The following CD1D variants were observed in gnomAD, a reference collection of about 807,000 sequenced individuals.
CD1D encodes the protein antigen-presenting glycoprotein CD1d.
A neutral mutation model predicts 42.1 loss-of-function variants in CD1D; 40 were observed. The observed-to-expected ratio is 0.95, with a 90% confidence interval of 0.74 to 1.24. The LOEUF (loss-of-function observed/expected upper bound fraction) is 1.24, where lower values mean the gene tolerates loss of function less well. Among genes scored for constraint, CD1D ranks in the 50% most tolerant of loss-of-function variants. The pLI is 0.00. For synonymous variants in CD1D, 178 were observed against 171.8 expected (o/e 1.04, Z -0.28); for missense variants, 437 against 416.5 (o/e 1.05, Z -0.43).
rs1174975359 is a variant in CD1D at position 158,186,229 on chromosome 1, C to T, written c.*2079C>T. On this transcript the variant is annotated 3_prime_UTR_variant, in exon 6 of 6. Coordinates refer to ENST00000674085, the MANE Select transcript of CD1D (RefSeq NM_001371762.2). ...TACCACATTGCCCACCCTCACGTGG[C>T]GCTCTTCAGCTTAGGTTCCTCTAGC... is the stretch of plus-strand genomic sequence containing the variant. Among the ~76,000 whole-genome samples, 5 of 152,136 alleles carry T rather than the reference C, an allele frequency of 3.3e-5. No homozygotes were observed. The East Asian group carries it at 5.8e-4, about 18-fold the overall frequency.
chr1:158,182,407 G>C (rs961503000), intron 3 of CD1D, 97 bp downstream of exon 3: 1 of 1,380,624 alleles, frequency 7.2e-7, no homozygotes. Context: ...TCAAAGAAGA[G>C]GAAGGCCCAG....
chr1:158,184,021 GT>G lies in CD1D; in HGVS notation c.975del (p.Phe325LeufsTer31). Reference protein sequence around the residue: ...FLLIVGFTSRFKRQTSYQGVL With the variant: ...FLLIVGFTSRXKRQTSYQGVL ...TCCTCATTGTGGGCTTTACCTCCCGGTTTAAGAGGCAAACGTAAGTCTCCCC... is the reference window on the plus strand; with the variant it reads ...TCCTCATTGTGGGCTTTACCTCCCGGTTAAGAGGCAAACGTAAGTCTCCCC... On this transcript the variant is annotated frameshift_variant, in exon 5 of 6. Transcript: ENST00000674085. LOFTEE classifies it low-confidence loss of function (END_TRUNC). 6.2e-7 allele frequency: 1 copy of G among 1,614,146 alleles called. No homozygotes were observed. The highest frequency in any genetic ancestry group is 1.1e-5 in the South Asian group (1 of 91,078).
At chr1:158,179,160 A>G (rs1442856688), upstream of CD1D, among the ~76,000 whole-genome samples, 1 of 152,198 alleles carries the variant, frequency 6.6e-6, no homozygotes, top group Non-Finnish European at 1.5e-5. Flanking sequence ...AGTTAAAAAT[A>G]TTGCCCCATG....
chr1:158,182,869 T>G lies in CD1D; in HGVS notation c.608-9T>G. Reference sequence around the variant, plus strand: ...TTTAAGATCCCCCCCATTCCCTTGTTGGATACAGTGAAGCCCAAGGCCTGG... The same window carrying G: ...TTTAAGATCCCCCCCATTCCCTTGTGGGATACAGTGAAGCCCAAGGCCTGG... On this transcript the variant is annotated splice_polypyrimidine_tract_variant and intron_variant, in intron 3 of 5. Coordinates refer to ENST00000674085, the MANE Select transcript of CD1D (RefSeq NM_001371762.2). 1 of 1,596,798 alleles carries G rather than the reference T, an allele frequency of 6.3e-7. No homozygotes were observed.
Position 158,181,028 on chromosome 1 carries a change from C to T in CD1D, c.-74C>T. Reference sequence around the variant, plus strand: ...CCAGCGGAAAGGGACGTGAGCTGAGCGGCGGGGGAGAAGAGTGCGCAGGTC... The same window carrying T: ...CCAGCGGAAAGGGACGTGAGCTGAGTGGCGGGGGAGAAGAGTGCGCAGGTC... On this transcript the variant is annotated 5_prime_UTR_variant, in exon 1 of 6. Transcript: ENST00000674085. 1.5e-6 allele frequency: 2 copies of T among 1,318,678 alleles called. No homozygotes were observed. The highest frequency in any genetic ancestry group is 2.7e-4 in the Middle Eastern group (1 of 3,658). The allele number at this position is 1,318,678 out of a possible 1,614,324, so 81.7% of individuals were successfully genotyped here.
chr1:158,182,754 T>TG, intron 3 of CD1D, 124 bp from the exon 4 acceptor site: 1 of 1,144,052 alleles, frequency 8.7e-7, no homozygotes. Context: ...GAAGTGAACA[T>TG]GTCAGGGGCA....
Position 158,183,040 on chromosome 1 carries a change from C to G in CD1D, c.770C>G (p.Ala257Gly). 6.2e-7 allele frequency: 1 copy of G among 1,614,160 alleles called. No homozygotes were observed. Residue 257 changes from alanine to glycine, a missense_variant, in exon 4 of 6, where the codon GCT becomes GGT. Physicochemically the swap from Ala to Gly is moderately conservative, Grantham distance 60 (BLOSUM62 0). Coordinates refer to ENST00000674085, the MANE Select transcript of CD1D (RefSeq NM_001371762.2). ...GTQPGDILPN[A>G]DETWYLRATL... The stretch of plus-strand genomic sequence containing the variant: ...CAGCCAGGGGACATCCTGCCCAATG[C>G]TGACGAGACATGGTATCTCCGAGCA...
In CD1D at chr1:158,182,897, G is replaced by T. The variant is rs1374218319; in HGVS notation, c.627G>T (p.Leu209=). The change falls in exon 4 of 6, where the codon CTG becomes CTT. Residue 209 remains leucine (L), a synonymous_variant. Transcript: ENST00000674085. The part of the protein sequence containing the change: ...LKKQVKPKAW[L]SRGPSPGPGR... ...ATACAGTGAAGCCCAAGGCCTGGCT[G>T]TCCCGTGGCCCCAGTCCTGGCCCTG... 1.9e-6 allele frequency: 3 copies of T among 1,610,350 alleles called. No individual in the cohort carries two copies. The highest frequency in any genetic ancestry group is 2.7e-5 in the African/African-American group (2 of 74,906).
In CD1D at chr1:158,184,196, C is replaced by CTCA; in HGVS notation, c.*47_*49dup. ...TCTCTGGAACCCAGGACCTCTGGAC[C>CTCA]TCAGGTTCCTAAGACTTCAGTCCTG... On this transcript the variant is annotated 3_prime_UTR_variant, in exon 6 of 6. Transcript: ENST00000674085. 1.2e-6 allele frequency: 2 copies of CTCA among 1,605,554 alleles called. No homozygotes were observed. The highest frequency in any genetic ancestry group is 1.7e-6 in the Non-Finnish European group (2 of 1,172,586).
In CD1D at chr1:158,181,705, A is replaced by T. The variant is rs1378667244; in HGVS notation, c.312A>T (p.Lys104Asn). 1 of 1,610,266 alleles carries T rather than the reference A, an allele frequency of 6.2e-7. No homozygotes were observed. Among genetic ancestry groups the T allele is most frequent in the Non-Finnish European group, 8.5e-7 (1 of 1,180,000 alleles). The change falls in exon 2 of 6, where the codon AAA becomes AAT. Residue 104 changes from lysine to asparagine, a missense_variant. Physicochemically the swap from Lys to Asn is moderately conservative, Grantham distance 94. Coordinates refer to ENST00000674085, the MANE Select transcript of CD1D (RefSeq NM_001371762.2). ...CCAGGGACGTGAAGGAATTCGCCAA[A>T]ATGCTACGCTTATCCTGTGAGCTGA... ...SFTRDVKEFAKMLRLSYPLEL... is the reference protein window; with the variant it reads ...SFTRDVKEFANMLRLSYPLEL...
At position 158,181,507 on chromosome 1, in the gene CD1D, T is replaced by G. The variant is rs145764530; in HGVS notation, c.114T>G (p.Asn38Lys). 2.2e-5 allele frequency: 35 copies of G among 1,613,948 alleles called. No homozygotes were observed. The highest frequency in any genetic ancestry group is 2.8e-5 in the Non-Finnish European group (33 of 1,179,994). ...LRCLQISSFA[N>K]SSWTRTDGLA... Reference sequence around the variant, plus strand: ...GCCTCCAGATCTCGTCCTTCGCCAATAGCAGCTGGACGCGCACCGACGGCT... The same window carrying G: ...GCCTCCAGATCTCGTCCTTCGCCAAGAGCAGCTGGACGCGCACCGACGGCT... The change falls in exon 2 of 6, where the codon AAT becomes AAG. Residue 38 changes from asparagine to lysine, a missense_variant. Coordinates refer to ENST00000674085, the MANE Select transcript of CD1D (RefSeq NM_001371762.2).
In CD1D at chr1:158,181,510, C is replaced by T; in HGVS notation, c.117C>T (p.Ser39=). The T allele has an allele frequency of 6.2e-7, 1 of 1,614,022 alleles. No homozygotes were observed. Among genetic ancestry groups the T allele is most frequent in the Non-Finnish European group, 8.5e-7 (1 of 1,180,034 alleles). ...RCLQISSFAN[S]SWTRTDGLAW... ...TCCAGATCTCGTCCTTCGCCAATAG[C>T]AGCTGGACGCGCACCGACGGCTTGG... The change falls in exon 2 of 6, where the codon AGC becomes AGT. Residue 39 remains serine (S), a synonymous_variant. Coordinates refer to ENST00000674085, the MANE Select transcript of CD1D (RefSeq NM_001371762.2).
At chr1:158,182,344 T>G (rs753655439) in intron 3 of CD1D, 34 bp downstream of exon 3, 8 of 1,612,634 alleles carry the variant, frequency 5.0e-6, no homozygotes, top group South Asian at 2.2e-5. Context: ...TGCATTCCAC[T>G]TCAGGGCTCC....
chr1:158,184,262 A>G lies in CD1D; in HGVS notation c.*112A>G. 9.3e-7 allele frequency: 1 copy of G among 1,075,930 alleles called. No homozygotes were observed. The highest frequency in any genetic ancestry group is 1.4e-6 in the Non-Finnish European group (1 of 715,618). 66.6% of individuals were successfully genotyped at this position (1,075,930 alleles called of 1,614,324 possible). ...GAAGATGTAAGGAATTGAAGATAGG[A>G]GAGATACCTTGAAAAAGTAGAGAAC... is the stretch of plus-strand genomic sequence containing the variant. On this transcript the variant is annotated 3_prime_UTR_variant, in exon 6 of 6. Coordinates refer to ENST00000674085, the MANE Select transcript of CD1D (RefSeq NM_001371762.2).
In CD1D at chr1:158,184,423, T is replaced by C. The variant is rs1225805395; in HGVS notation, c.*273T>C. On this transcript the variant is annotated 3_prime_UTR_variant, in exon 6 of 6. Coordinates refer to ENST00000674085, the MANE Select transcript of CD1D (RefSeq NM_001371762.2). Reference sequence around the variant, plus strand: ...AGAAGTGCAAAGGTGTGCAAACTTGTATCTGAAGACCTACCAGGGACAAGC... The same window carrying C: ...AGAAGTGCAAAGGTGTGCAAACTTGCATCTGAAGACCTACCAGGGACAAGC... 5.7e-6 allele frequency: 3 copies of C among 525,116 alleles called. No homozygotes were observed. In the African/African-American group the frequency reaches 5.7e-5, roughly 10 times the overall value. 32.5% of individuals were successfully genotyped at this position (525,116 alleles called of 1,614,324 possible).
intron 4 of CD1D, 32 bp downstream of exon 4, chr1:158,183,188 G>T (rs760028099): frequency 1.9e-6 from 3 of 1,571,250 alleles, no homozygotes; most frequent in African/African-American, 2.7e-5. Context: ...GCTGGAAATG[G>T]CAGGAGGTGG....
In CD1D at chr1:158,184,045, C is replaced by T; in HGVS notation, c.986+10C>T. 2 of 1,613,452 alleles carry T rather than the reference C, an allele frequency of 1.2e-6. No homozygotes were observed. The highest frequency in any genetic ancestry group is 1.7e-6 in the Non-Finnish European group (2 of 1,179,384). ...GGTTTAAGAGGCAAACGTAAGTCTC[C>T]CCTTTCCCTTTCCTCAACCTCTCTC... On this transcript the variant is annotated intron_variant, in intron 5 of 5. Transcript: ENST00000674085.
At position 158,181,688 on chromosome 1, in the gene CD1D, G is replaced by A. The variant is rs1245473930; in HGVS notation, c.295G>A (p.Val99Met). The stretch of plus-strand genomic sequence containing the variant: ...TTATCGAAGCAGCTTCACCAGGGAC[G>A]TGAAGGAATTCGCCAAAATGCTACG... ...RVYRSSFTRDVKEFAKMLRLS... is the reference protein window; with the variant it reads ...RVYRSSFTRDMKEFAKMLRLS... The change falls in exon 2 of 6, where the codon GTG (valine) becomes ATG (methionine). Residue 99 changes from valine (V) to methionine (M), a missense_variant. Val to Met is a conservative substitution (Grantham distance 21). Coordinates refer to ENST00000674085, the MANE Select transcript of CD1D (RefSeq NM_001371762.2). 2 of 1,612,304 alleles carry A rather than the reference G, an allele frequency of 1.2e-6. No individual in the cohort carries two copies. The highest frequency in any genetic ancestry group is 1.7e-6 in the Non-Finnish European group (2 of 1,180,030).
intron 4 of CD1D, among the ~76,000 whole-genome samples, chr1:158,183,416 A>G (rs1175065672): frequency 6.6e-6 from 1 of 152,214 alleles, no homozygotes; most frequent in African/African-American, 2.4e-5. Flanking sequence ...AGAAGTAGGC[A>G]GCGAATAAAC....
Sources: gnomAD v4.1 joint callset for allele counts (sites outside exome capture counted in the v4.1 genomes callset) on GRCh38, gnomAD v4.1.1 for gene constraint, MANE v1.5 for transcripts, NCBI Gene and HGNC (gene_info 2026-07-23, HGNC 2026-07-21) for gene names.